VCAN: variants seen among roughly 807,000 people sequenced by gnomAD.
The protein encoded by VCAN is versican.
A neutral mutation model predicts 245.5 loss-of-function variants in VCAN; 44 were observed. That is an observed-to-expected ratio of 0.18 (90% CI 0.14 to 0.23). The LOEUF (loss-of-function observed/expected upper bound fraction) is 0.23, where lower values mean the gene tolerates loss of function less well. Ranked by LOEUF, VCAN falls within the 10% of genes least tolerant of loss-of-function variation. The pLI is 1.00. For missense variants in VCAN, 3,793 were observed against 4,057.9 expected (o/e 0.93, Z 1.77); for synonymous variants, 1,413 against 1,437.0 (o/e 0.98, Z 0.38).
chr5:83,519,451 T>A lies in VCAN; in HGVS notation c.1145T>A (p.Ile382Asn). ...QMVSDRTTPI[I>N]PLVDELPVIP... ...GTTTCTGATAGAACTACACCAATCA[T>A]CCCTTTAGTTGATGAATTACCTGTC... is the stretch of plus-strand genomic sequence containing the variant. The change falls in exon 7 of 15, where the codon ATC becomes AAC. Residue 382 changes from isoleucine to asparagine, a missense_variant. Physicochemically the swap from Ile to Asn is moderately radical, Grantham distance 149. Around this residue, in one of 5 missense-constraint regions of VCAN, gnomAD observed 3,182 missense variants for 3,250.3 expected, o/e 0.98. Coordinates refer to ENST00000265077, the MANE Select transcript of VCAN (RefSeq NM_004385.5). The A allele has an allele frequency of 6.2e-7, 1 of 1,614,166 alleles. No homozygotes were observed. Among genetic ancestry groups the A allele is most frequent in the Non-Finnish European group, 8.5e-7 (1 of 1,179,982 alleles).
intron 10 of VCAN, among the ~76,000 whole-genome samples, chr5:83,550,634 C>A (rs1035131779): frequency 6.6e-6 from 1 of 152,074 alleles, no homozygotes; most frequent in Non-Finnish European, 1.5e-5. Flanking sequence ...CGCCTGTAAT[C>A]CCAGCACTTT....
rs147798761 is a variant in VCAN at position 83,541,624 on chromosome 5, C to T, written c.8621C>T (p.Ala2874Val). 241 of 1,613,768 alleles carry T rather than the reference C, an allele frequency of 1.5e-4. No homozygotes were observed. The highest frequency in any genetic ancestry group is 2.5e-4 in the East Asian group (11 of 44,876). Residue 2874 changes from alanine (A) to valine (V), a missense_variant, in exon 8 of 15, where the codon GCG becomes GTG. By Grantham distance (64) the Ala-to-Val change is moderately conservative. This residue lies in a region of VCAN where 3,182 missense variants were observed against 3,250.3 expected (regional missense o/e 0.98). Transcript: ENST00000265077. The part of the protein sequence containing the change: ...SFKEIHVNIE[A>V]TFKPSSEEYL... ...AAGGAAATTCATGTAAATATTGAAGCGACTTTCAAACCATCAAGTGAGGAA... is the reference window on the plus strand; with the variant it reads ...AAGGAAATTCATGTAAATATTGAAGTGACTTTCAAACCATCAAGTGAGGAA...
intron 7 of VCAN, among the ~76,000 whole-genome samples, chr5:83,533,353 A>G (rs180928483): frequency 9.5e-4 from 145 of 152,264 alleles, no homozygotes; most frequent in Non-Finnish European, 1.7e-3. Flanking sequence ...CCATTAAAAT[A>G]GGAGAAAAGA....
chr5:83,575,913 G>A lies in VCAN; in HGVS notation c.9880+3353G>A, dbSNP rs527908280. 1.7e-4 allele frequency among the ~76,000 whole-genome samples: 26 copies of A among 152,094 alleles called. No individual in the cohort carries two copies. The Middle Eastern group carries it at 0.01, about 60-fold the overall frequency. On this transcript the variant is annotated intron_variant, in intron 13 of 14. Transcript: ENST00000265077. ...TTTTTGCATTTTATCTCCCCTACTC[G>A]CTGATTTTTATATTTGTGCAGTCAA...
At chr5:83,568,718 A>G (rs982862078) in intron 12 of VCAN, among the ~76,000 whole-genome samples, 1 of 152,230 alleles carries the variant, frequency 6.6e-6, no homozygotes, top group Non-Finnish European at 1.5e-5. Flanking sequence ...AGAAATGCAC[A>G]TATCATTTTA....
At chr5:83,567,779 G>C (rs572544260) in intron 12 of VCAN, among the ~76,000 whole-genome samples, 65 of 152,292 alleles carry the variant, frequency 4.3e-4, no homozygotes, top group African/African-American at 1.5e-3. Context: ...ACATGCAGGG[G>C]AATGACCAGC....
intron 7 of VCAN, among the ~76,000 whole-genome samples, chr5:83,522,689 T>G (rs1746152030): frequency 6.6e-6 from 1 of 152,230 alleles, no homozygotes; most frequent in Admixed American, 6.5e-5. Flanking sequence ...CTATTAACCT[T>G]CAGTACTTAC....
Position 83,539,802 on chromosome 5 carries a change from C to G in VCAN, c.6799C>G (p.Pro2267Ala), listed in dbSNP as rs752279052. The G allele has an allele frequency of 6.2e-7, 1 of 1,613,978 alleles. No homozygotes were observed. The highest frequency in any genetic ancestry group is 8.5e-7 in the Non-Finnish European group (1 of 1,180,008). ...GSGEEVLPTL[P>A]TESVNFTEVE... ...AGGAGAAGAAGTTTTACCTACTCTA[C>G]CAACAGAGTCAGTGAATTTTACTGA... is the stretch of plus-strand genomic sequence containing the variant. The change falls in exon 8 of 15, where the codon CCA becomes GCA. Residue 2267 changes from proline to alanine, a missense_variant. Around this residue, in one of 5 missense-constraint regions of VCAN, gnomAD observed 3,182 missense variants for 3,250.3 expected, o/e 0.98. Coordinates refer to ENST00000265077, the MANE Select transcript of VCAN (RefSeq NM_004385.5).
At chr5:83,488,397 G>T (rs766720272) in intron 2 of VCAN, among the ~76,000 whole-genome samples, 2 of 152,206 alleles carry the variant, frequency 1.3e-5, no homozygotes, top group African/African-American at 2.4e-5. Flanking sequence ...GGCAGAGGAA[G>T]CACACCAGAG....
rs1181662674 is a variant in VCAN, at chr5:83,541,813, A to T, written c.8810A>T (p.Asp2937Val). ...CTCCAAGATTTCCAAAACAAAACCG[A>T]TGGTCAAGTTTCTGGAGAAGCAATC... ...EILQDFQNKT[D>V]GQVSGEAIKM... Residue 2937 changes from aspartate to valine, a missense_variant, in exon 8 of 15, where the codon GAT becomes GTT. Physicochemically the swap from Asp to Val is radical, Grantham distance 152. Around this residue, in one of 5 missense-constraint regions of VCAN, gnomAD observed 3,182 missense variants for 3,250.3 expected, o/e 0.98. Transcript: ENST00000265077. 2 of 1,614,090 alleles carry T rather than the reference A, an allele frequency of 1.2e-6. No individual in the cohort carries two copies. Among genetic ancestry groups the T allele is most frequent in the South Asian group, 2.2e-5 (2 of 91,070 alleles).
At chr5:83,505,436 C>T (rs1257814731) in intron 5 of VCAN, among the ~76,000 whole-genome samples, 1 of 152,150 alleles carries the variant, frequency 6.6e-6, no homozygotes, top group East Asian at 1.9e-4. Flanking sequence ...TCCAGTGGAG[C>T]AGCCACATTT....
intron 1 of VCAN, among the ~76,000 whole-genome samples, chr5:83,480,052 C>T (rs1744559931): frequency 6.6e-6 from 1 of 152,120 alleles, no homozygotes; most frequent in Non-Finnish European, 1.5e-5. Flanking sequence ...CTTAGTGTTG[C>T]TAGACCTTCT....
At chr5:83,533,701 A>T (rs1042655926) in intron 7 of VCAN, among the ~76,000 whole-genome samples, 2 of 152,142 alleles carry the variant, frequency 1.3e-5, no homozygotes, top group Non-Finnish European at 2.9e-5. Context: ...TTGAAACATT[A>T]TCATATTTAT....
In VCAN at chr5:83,521,570, A is replaced by G. The variant is rs767745674; in HGVS notation, c.3264A>G (p.Pro1088=). 6.2e-7 allele frequency: 1 copy of G among 1,614,114 alleles called. No individual in the cohort carries two copies. The highest frequency in any genetic ancestry group is 8.5e-7 in the Non-Finnish European group (1 of 1,180,024). The change falls in exon 7 of 15, where the codon CCA becomes CCG. Residue 1088 remains proline (P), a synonymous_variant. Coordinates refer to ENST00000265077, the MANE Select transcript of VCAN (RefSeq NM_004385.5). ...DELLTGSERV[P]VLETTPVGKI... ...TGTTGACAGGTTCTGAGAGGGTCCC[A>G]GTTTTAGAAACAACTCCAGTTGGAA...
chr5:83,475,692 C>T (rs1179704175), intron 1 of VCAN, among the ~76,000 whole-genome samples: 1 of 152,134 alleles, frequency 6.6e-6, no homozygotes, highest in Admixed American at 6.5e-5. Flanking sequence ...GTATTGTCTG[C>T]CCGCAGTAAT....
chr5:83,565,785 G>A lies in VCAN; in HGVS notation c.9736-6631G>A, dbSNP rs867524212. On this transcript the variant is annotated intron_variant, in intron 12 of 14. Coordinates refer to ENST00000265077, the MANE Select transcript of VCAN (RefSeq NM_004385.5). The stretch of plus-strand genomic sequence containing the variant: ...ATGAATTTGCTTCTGTATGTGATGT[G>A]CAGGGATCAGCTGGGACTTGACTGT... 3.9e-5 allele frequency among the ~76,000 whole-genome samples: 6 copies of A among 152,150 alleles called. No individual in the cohort carries two copies. The Middle Eastern group carries it at 0.01, about 259-fold the overall frequency.
At chr5:83,508,214 C>T (rs1745538507) in intron 5 of VCAN, among the ~76,000 whole-genome samples, 2 of 152,150 alleles carry the variant, frequency 1.3e-5, no homozygotes, top group Non-Finnish European at 1.5e-5. Context: ...TGACTGGGTA[C>T]CCAGTCTGCT....
In VCAN at chr5:83,520,472, T is replaced by C. The variant is rs780171445; in HGVS notation, c.2166T>C (p.Ser722=). 3 of 1,614,032 alleles carry C rather than the reference T, an allele frequency of 1.9e-6. No homozygotes were observed. The Admixed American group carries it at 5.0e-5, about 27-fold the overall frequency. The change falls in exon 7 of 15, where the codon TCT becomes TCC. Residue 722 remains serine, a synonymous_variant. Coordinates refer to ENST00000265077, the MANE Select transcript of VCAN (RefSeq NM_004385.5). ...GAAAAACAGAAGAAGAAGTCTTCTC[T>C]GGGATGAAACTCTCTACATCTCTCT... ...FMGKTEEEVF[S]GMKLSTSLSE...
chr5:83,580,724 G>A lies in VCAN; in HGVS notation c.*290G>A, dbSNP rs1748644142. On this transcript the variant is annotated 3_prime_UTR_variant, in exon 15 of 15. Coordinates refer to ENST00000265077, the MANE Select transcript of VCAN (RefSeq NM_004385.5). ...GCAGTCCATTTCCTAATGTATACCA[G>A]CCTACTGTACTATTTAAAATGCTCA... The A allele has an allele frequency of 9.8e-6, 4 of 409,228 alleles. No individual in the cohort carries two copies. Among genetic ancestry groups the A allele is most frequent in the South Asian group, 4.2e-5 (2 of 47,404 alleles). 25.3% of individuals were successfully genotyped at this position (409,228 alleles called of 1,614,324 possible). A position where few individuals can be genotyped will look rare whatever the true frequency, so the allele number is the denominator to read the frequency against.
Sources: allele counts gnomAD v4.1 joint callset (sites outside exome capture counted in the v4.1 genomes callset), GRCh38; gene constraint gnomAD v4.1.1; regional missense constraint gnomAD v4.1.1; transcripts MANE v1.5; gene names NCBI Gene and HGNC (gene_info 2026-07-23, HGNC 2026-07-21).